Variants in TM9SF3 observed in about 807,000 individuals in gnomAD.
The protein encoded by TM9SF3 is transmembrane 9 superfamily member 3, also known as SM-11044-binding protein.
TM9SF3 carries 14 observed loss-of-function variants against 78.6 expected under a neutral mutation model. The observed-to-expected ratio is 0.18, with a 90% CI of 0.12 to 0.28. The LOEUF (loss-of-function observed/expected upper bound fraction) is 0.28, where lower values mean the gene tolerates loss of function less well. TM9SF3 is among the 10% of genes least tolerant of loss of function. The pLI, the probability that TM9SF3 is intolerant of heterozygous loss-of-function variation, is 1.00. For missense variants in TM9SF3, 496 were observed against 721.9 expected (o/e 0.69, Z 3.59); for synonymous variants, 231 against 241.7 (o/e 0.96, Z 0.41).
intron 1 of TM9SF3, among the ~76,000 whole-genome samples, chr10:96,579,225 A>C (rs1848532945): frequency 6.6e-6 from 1 of 152,240 alleles, no homozygotes; most frequent in Non-Finnish European, 1.5e-5. Flanking sequence ...CCTGACTGTA[A>C]GAGTACCTTT....
rs983188540 is a variant in TM9SF3, at chr10:96,518,231, G to C, written c.*4032C>G. 5.3e-5 allele frequency: 8 copies of C among 152,134 alleles called. No individual in the cohort carries two copies. The highest frequency in any genetic ancestry group is 1.2e-4 in the Non-Finnish European group (8 of 67,994). 9.4% of individuals were successfully genotyped at this position (152,134 alleles called of 1,614,324 possible). ...ATTTCTATTACTAAAAAGCCAGTTG[G>C]AATATGGCCTATACGAACCAAAGAG... On this transcript the variant is annotated 3_prime_UTR_variant, in exon 15 of 15. Coordinates refer to ENST00000371142, the MANE Select transcript of TM9SF3 (RefSeq NM_020123.4).
chr10:96,545,464 A>T (rs1355578256), intron 8 of TM9SF3, among the ~76,000 whole-genome samples: 3 of 152,172 alleles, frequency 2.0e-5, no homozygotes, highest in African/African-American at 7.2e-5. Context: ...CTCCTTTCTA[A>T]CTGATAGCCA....
At chr10:96,562,163 C>T (rs1848316043) in intron 3 of TM9SF3, 25 bp from the exon 4 acceptor site, 1 of 1,516,324 alleles carries the variant, frequency 6.6e-7, no homozygotes, top group Non-Finnish European at 9.0e-7. Flanking sequence ...ACACTTTATA[C>T]AAGGTAAAAC....
rs150491432 is a variant in TM9SF3 at position 96,559,372 on chromosome 10, A to G, written c.660+287T>C. 8.6e-4 allele frequency among the ~76,000 whole-genome samples: 131 copies of G among 152,332 alleles called. 1 individual carries two copies. Among genetic ancestry groups the G allele is most frequent in the African/African-American group, 3.0e-3 (123 of 41,574 alleles). On this transcript the variant is annotated intron_variant, in intron 5 of 14. Transcript: ENST00000371142. ...CAATGCGCTATTCATTGTGCAACGC[A>G]GCCATCTAATATTCACCTTATTAGT...
rs752193971 is a variant in TM9SF3 at position 96,551,342 on chromosome 10, G to A, written c.862C>T (p.Pro288Ser). ...CCAATCAGAGAGGAAAATATCAGTG[G>A]GTGACTTGATGGTCTAAATACATCT... Reference protein sequence around the residue: ...HGDVFRPSSHPLIFSSLIGSG... With the variant: ...HGDVFRPSSHSLIFSSLIGSG... The change falls in exon 7 of 15, where the codon CCA becomes TCA. Residue 288 changes from proline to serine, a missense_variant. Pro to Ser is a moderately conservative substitution (Grantham distance 74). Coordinates refer to ENST00000371142, the MANE Select transcript of TM9SF3 (RefSeq NM_020123.4). The A allele has an allele frequency of 1.9e-6, 3 of 1,612,724 alleles. No individual in the cohort carries two copies. The highest frequency in any genetic ancestry group is 2.5e-6 in the Non-Finnish European group (3 of 1,179,436).
intron 5 of TM9SF3, among the ~76,000 whole-genome samples, chr10:96,553,351 T>G (rs941262303): frequency 2.0e-5 from 3 of 152,196 alleles, no homozygotes; most frequent in African/African-American, 7.2e-5. Flanking sequence ...ATATAACCTA[T>G]GCTATTCAGC....
At chr10:96,524,266 TAAC>T (rs1187971926) in intron 14 of TM9SF3, among the ~76,000 whole-genome samples, 1 of 151,866 alleles carries the variant, frequency 6.6e-6, no homozygotes, top group Non-Finnish European at 1.5e-5. Context: ...TAATAGGAAA[TAAC>T]AATATTACAT....
chr10:96,547,242 AC>A (rs1848112311), intron 8 of TM9SF3, among the ~76,000 whole-genome samples: 1 of 152,202 alleles, frequency 6.6e-6, no homozygotes, highest in South Asian at 2.1e-4. Context: ...CAGAAACTTT[AC>A]CCACAGACCA....
intron 3 of TM9SF3, among the ~76,000 whole-genome samples, chr10:96,563,893 T>C (rs1848339730): frequency 1.3e-5 from 2 of 151,854 alleles, no homozygotes; most frequent in Non-Finnish European, 1.5e-5. Flanking sequence ...TCCAAAAGTA[T>C]TTCCCCAAAC....
At chr10:96,558,677 G>A (rs1430133682) in intron 5 of TM9SF3, among the ~76,000 whole-genome samples, 1 of 151,374 alleles carries the variant, frequency 6.6e-6, no homozygotes, top group Non-Finnish European at 1.5e-5. Flanking sequence ...ATTCCAAATA[G>A]CTTAATTGTT....
At chr10:96,579,426 C>T (rs537496985) in intron 1 of TM9SF3, among the ~76,000 whole-genome samples, 1 of 152,084 alleles carries the variant, frequency 6.6e-6, no homozygotes, top group African/African-American at 2.4e-5. Flanking sequence ...AAATAGACAA[C>T]ATTTTTGAAA....
At chr10:96,582,503 T>C (rs1357605127) in intron 1 of TM9SF3, among the ~76,000 whole-genome samples, 5 of 152,226 alleles carry the variant, frequency 3.3e-5, no homozygotes, top group Admixed American at 6.5e-5. Context: ...TCCAAGTGCT[T>C]TGAGTTTTAG....
chr10:96,556,533 A>G (rs889146268), intron 5 of TM9SF3, among the ~76,000 whole-genome samples: 7 of 152,240 alleles, frequency 4.6e-5, no homozygotes, highest in African/African-American at 1.7e-4. Context: ...ACAGTACATC[A>G]TATCCCTTCC....
chr10:96,561,838 C>T, intron 4 of TM9SF3, 140 bp downstream of exon 4: 1 of 728,000 alleles, frequency 1.4e-6, no homozygotes, highest in South Asian at 2.0e-5. Flanking sequence ...TACTTACGTA[C>T]ACTGAGAAAA....
intron 9 of TM9SF3, among the ~76,000 whole-genome samples, chr10:96,537,575 G>T (rs1230349002): frequency 6.6e-6 from 1 of 152,214 alleles, no homozygotes; most frequent in Non-Finnish European, 1.5e-5. Context: ...GCTCATGCCT[G>T]TAATCCCAGC....
At chr10:96,540,167 C>A (rs777740060) in intron 9 of TM9SF3, among the ~76,000 whole-genome samples, 3 of 152,180 alleles carry the variant, frequency 2.0e-5, no homozygotes, top group Non-Finnish European at 4.4e-5. Flanking sequence ...AGTCTCACAT[C>A]CCTTTTCAAT....
chr10:96,531,976 C>T (rs781393764), intron 10 of TM9SF3, among the ~76,000 whole-genome samples: 2 of 151,972 alleles, frequency 1.3e-5, no homozygotes, highest in Non-Finnish European at 1.5e-5. Context: ...TTTGGGAGAC[C>T]GAGGTGGGCA....
At chr10:96,563,402 C>T (rs1848333332) in intron 3 of TM9SF3, among the ~76,000 whole-genome samples, 5 of 151,268 alleles carry the variant, frequency 3.3e-5, no homozygotes. Context: ...GACAGAGTCT[C>T]GCTCTGTTGC....
chr10:96,553,866 GGCACT>G (rs1439684100), intron 5 of TM9SF3, among the ~76,000 whole-genome samples: 2 of 152,180 alleles, frequency 1.3e-5, no homozygotes, highest in East Asian at 3.8e-4. Context: ...CTAGGTCTGT[GGCACT>G]GCCCAGTTAT....
Sources: allele counts gnomAD v4.1 joint callset (sites outside exome capture counted in the v4.1 genomes callset), GRCh38; gene constraint gnomAD v4.1.1; transcripts MANE v1.5; gene names NCBI Gene and HGNC (gene_info 2026-07-23, HGNC 2026-07-21).